PDE7B: variants seen among roughly 807,000 people sequenced by gnomAD.
PDE7B encodes 3',5'-cyclic-AMP phosphodiesterase 7B.
PDE7B carries 29 observed loss-of-function variants against 56.2 expected under a neutral mutation model. The ratio of observed to expected loss-of-function variants is 0.52; its 90% CI spans 0.38 to 0.70. The LOEUF (loss-of-function observed/expected upper bound fraction) is 0.70, where lower values mean the gene tolerates loss of function less well. Among genes scored for constraint, PDE7B ranks in the 30% least tolerant of loss-of-function variants. The pLI, the probability that PDE7B is intolerant of heterozygous loss-of-function variation, is 0.00. For synonymous variants in PDE7B, 197 were observed against 196.9 expected (o/e 1.00, Z 0.00); for missense variants, 490 against 565.0 (o/e 0.87, Z 1.35).
chr6:135,897,841 A>G (rs565764321), intron 1 of PDE7B, among the ~76,000 whole-genome samples: 124 of 152,288 alleles, frequency 8.1e-4, no homozygotes, highest in Non-Finnish European at 1.6e-3. Context: ...ATCTAAAGCC[A>G]GTGGCCACCA....
rs1218608250 is a variant in PDE7B, at chr6:136,191,858, A to C, written c.*18A>C. 5 of 1,536,244 alleles carry C rather than the reference A, an allele frequency of 3.3e-6. No homozygotes were observed. The highest frequency in any genetic ancestry group is 4.4e-6 in the Non-Finnish European group (5 of 1,136,240). Reference sequence around the variant, plus strand: ...GCCCCTAGGGGCCGGCCCAACTTAGACGCGGCTCTCCTCCGGCAGGGCCCC... The same window carrying C: ...GCCCCTAGGGGCCGGCCCAACTTAGCCGCGGCTCTCCTCCGGCAGGGCCCC... On this transcript the variant is annotated 3_prime_UTR_variant, in exon 13 of 13. Coordinates refer to ENST00000308191, the MANE Select transcript of PDE7B (RefSeq NM_018945.4).
At chr6:135,904,949 G>T (rs1239878336) in intron 1 of PDE7B, among the ~76,000 whole-genome samples, 3 of 152,242 alleles carry the variant, frequency 2.0e-5, no homozygotes, top group Non-Finnish European at 2.9e-5. Context: ...ACATTCAGGG[G>T]TGGTTCATGG....
intron 1 of PDE7B, among the ~76,000 whole-genome samples, chr6:135,924,763 T>G (rs891733754): frequency 6.6e-6 from 1 of 151,448 alleles, no homozygotes; most frequent in Non-Finnish European, 1.5e-5. Flanking sequence ...TAGTTTTTAA[T>G]GTAAAAGTAT....
intron 1 of PDE7B, among the ~76,000 whole-genome samples, chr6:135,921,962 C>T (rs1408654142): frequency 1.3e-5 from 2 of 152,100 alleles, no homozygotes; most frequent in Middle Eastern, 3.2e-3. Flanking sequence ...GTTTAGAACT[C>T]TCTCCCTCAT....
chr6:135,984,324 G>A lies in PDE7B; in HGVS notation c.82+36800G>A, dbSNP rs150450118. On this transcript the variant is annotated intron_variant, in intron 2 of 12. Transcript: ENST00000308191. The stretch of plus-strand genomic sequence containing the variant: ...GTTTGTTTTTTTTGTTTGTTTTTAA[G>A]CTAGTGTCATTCAGGCAATAGCATG... 1.8e-3 allele frequency among the ~76,000 whole-genome samples: 269 copies of A among 152,184 alleles called. 1 individual carries two copies. The highest frequency in any genetic ancestry group is 6.0e-3 in the African/African-American group (250 of 41,530).
chr6:135,928,339 C>T (rs1208144283), intron 1 of PDE7B, among the ~76,000 whole-genome samples: 1 of 149,210 alleles, frequency 6.7e-6, no homozygotes, highest in East Asian at 2.0e-4. Context: ...CACATACACT[C>T]ATATGTTCAT....
chr6:136,059,336 T>A (rs1181748234), intron 2 of PDE7B, among the ~76,000 whole-genome samples: 1 of 152,230 alleles, frequency 6.6e-6, no homozygotes, highest in Admixed American at 6.5e-5. Flanking sequence ...CTGACCCCAA[T>A]TGCTTAATAA....
At chr6:135,953,779 ATAT>A (rs1409921600) in intron 2 of PDE7B, among the ~76,000 whole-genome samples, 2 of 152,188 alleles carry the variant, frequency 1.3e-5, no homozygotes, top group African/African-American at 4.8e-5. Flanking sequence ...TATGAAAGAA[ATAT>A]TATTGTAAAG....
chr6:135,887,066 A>G (rs1385014220), intron 1 of PDE7B, among the ~76,000 whole-genome samples: 1 of 152,030 alleles, frequency 6.6e-6, no homozygotes, highest in Admixed American at 6.6e-5. Flanking sequence ...TTCTTGCAGG[A>G]GTAAGGTGGT....
intron 2 of PDE7B, among the ~76,000 whole-genome samples, chr6:135,977,858 T>C (rs538610072): frequency 9.4e-4 from 143 of 152,186 alleles, no homozygotes; most frequent in African/African-American, 3.3e-3. Context: ...GCCATGAAAG[T>C]AATGGCAAAA....
intron 8 of PDE7B, among the ~76,000 whole-genome samples, chr6:136,165,216 G>A (rs1329564344): frequency 6.6e-6 from 1 of 152,158 alleles, no homozygotes; most frequent in Non-Finnish European, 1.5e-5. Flanking sequence ...GTTCTGTTGA[G>A]AGAACCAAGA....
intron 1 of PDE7B, among the ~76,000 whole-genome samples, chr6:135,879,080 A>G (rs1180052708): frequency 6.6e-6 from 1 of 151,932 alleles, no homozygotes; most frequent in Non-Finnish European, 1.5e-5. Context: ...ATGGTTTCTC[A>G]TTTTTCAAAT....
intron 2 of PDE7B, among the ~76,000 whole-genome samples, chr6:136,087,836 T>C (rs947873029): frequency 2.0e-5 from 3 of 152,204 alleles, no homozygotes; most frequent in Non-Finnish European, 4.4e-5. Context: ...AACGTAGCCA[T>C]GTGGCAAGCA....
At position 135,947,506 on chromosome 6, in the gene PDE7B, A is replaced by G; in HGVS notation, c.64A>G (p.Lys22Glu). The change falls in exon 2 of 13, where the codon AAA (lysine) becomes GAA (glutamate). Residue 22 changes from lysine (K) to glutamate (E), a missense_variant. By Grantham distance (56) the Lys-to-Glu change is moderately conservative. Transcript: ENST00000308191. ...ILFENPDQNA[K>E]CVCMLGDIRL... ...GTTTGAGAACCCCGATCAGAATGCC[A>G]AATGTGTTTGCATGCTGGGTAAGAA... 6.2e-7 allele frequency: 1 copy of G among 1,611,766 alleles called. No individual in the cohort carries two copies. The highest frequency in any genetic ancestry group is 8.5e-7 in the Non-Finnish European group (1 of 1,178,036).
At chr6:136,095,127 T>C (rs747042217) in intron 2 of PDE7B, among the ~76,000 whole-genome samples, 4 of 152,216 alleles carry the variant, frequency 2.6e-5, no homozygotes, top group Non-Finnish European at 4.4e-5. Flanking sequence ...TGAGAAATTC[T>C]ACAATTAAAA....
intron 8 of PDE7B, among the ~76,000 whole-genome samples, chr6:136,172,537 C>T (rs1190425405): frequency 6.6e-6 from 1 of 151,970 alleles, no homozygotes; most frequent in Non-Finnish European, 1.5e-5. Flanking sequence ...GATATTAGCC[C>T]TTTGTCAGAT....
intron 2 of PDE7B, among the ~76,000 whole-genome samples, chr6:136,005,711 GC>G (rs1775770039): frequency 2.0e-5 from 3 of 152,182 alleles, no homozygotes; most frequent in African/African-American, 4.8e-5. Context: ...AACAACAGGT[GC>G]TGGAGAGGAT....
chr6:136,148,702 G>A (rs1778462183), intron 4 of PDE7B, among the ~76,000 whole-genome samples: 1 of 152,112 alleles, frequency 6.6e-6, no homozygotes, highest in East Asian at 1.9e-4. Flanking sequence ...GAGCACTCTT[G>A]GCGGTGTCTC....
intron 2 of PDE7B, among the ~76,000 whole-genome samples, chr6:135,985,829 T>C (rs1775367320): frequency 6.6e-6 from 1 of 152,174 alleles, no homozygotes; most frequent in South Asian, 2.1e-4. Context: ...TGCACTTTGA[T>C]AGTCCCAACC....
Sources: allele counts gnomAD v4.1 joint callset (sites outside exome capture counted in the v4.1 genomes callset), GRCh38; gene constraint gnomAD v4.1.1; transcripts MANE v1.5; gene names NCBI Gene and HGNC (gene_info 2026-07-23, HGNC 2026-07-21).